Variants in CDS1 observed in about 807,000 individuals in gnomAD.
CDS1 encodes phosphatidate cytidylyltransferase 1.
Under a neutral mutation model 62.1 loss-of-function variants are expected in CDS1, and 41 were observed. The observed-to-expected ratio is 0.66, with a 90% CI of 0.51 to 0.86. The LOEUF (loss-of-function observed/expected upper bound fraction) is 0.86, where lower values mean the gene tolerates loss of function less well. Ranked by LOEUF, CDS1 falls within the 40% of genes least tolerant of loss-of-function variation. CDS1 has a pLI of 0.00. For synonymous variants in CDS1, 185 were observed against 192.6 expected (o/e 0.96, Z 0.32); for missense variants, 470 against 550.1 (o/e 0.85, Z 1.46).
At chr4:84,629,600 G>A (rs1000865201) in intron 5 of CDS1, among the ~76,000 whole-genome samples, 3 of 152,026 alleles carry the variant, frequency 2.0e-5, no homozygotes, top group African/African-American at 7.2e-5. Context: ...TTGTCCTTTG[G>A]GGATCCTGCA....
chr4:84,618,848 A>G (rs921076991), intron 4 of CDS1, among the ~76,000 whole-genome samples: 9 of 152,162 alleles, frequency 5.9e-5, no homozygotes, highest in African/African-American at 1.9e-4. Flanking sequence ...AATCTTCCTG[A>G]GGACAGGTGG....
intron 3 of CDS1, among the ~76,000 whole-genome samples, chr4:84,614,726 A>G (rs1723433671): frequency 6.6e-6 from 1 of 152,258 alleles, no homozygotes; most frequent in Non-Finnish European, 1.5e-5. Context: ...GGGAATGTAT[A>G]TATATTTTTT....
At chr4:84,620,023 TAAAAAAAAAAAAA>T (rs34828724) in intron 5 of CDS1, among the ~76,000 whole-genome samples, 1 of 121,392 alleles carries the variant, frequency 8.2e-6, no homozygotes, top group South Asian at 2.8e-4. Context: ...AACTCTTATC[TAAAAAAAAAAAAA>T]AAAAAGAAAG....
intron 2 of CDS1, among the ~76,000 whole-genome samples, chr4:84,604,837 T>C (rs1296415607): frequency 2.6e-5 from 4 of 152,160 alleles, no homozygotes; most frequent in African/African-American, 9.7e-5. Flanking sequence ...AGGTTGGTCT[T>C]AAACTCCTGG....
intron 8 of CDS1, among the ~76,000 whole-genome samples, chr4:84,638,604 C>T (rs1209357359): frequency 3.9e-5 from 6 of 152,038 alleles, no homozygotes; most frequent in African/African-American, 1.4e-4. Flanking sequence ...GCATAAGAGT[C>T]ATGGGACAGT....
At chr4:84,592,428 C>G (rs1722620800) in intron 1 of CDS1, among the ~76,000 whole-genome samples, 1 of 152,116 alleles carries the variant, frequency 6.6e-6, no homozygotes, top group Non-Finnish European at 1.5e-5. Flanking sequence ...CTGTCTTGGC[C>G]TCCCAAAGTG....
intron 2 of CDS1, among the ~76,000 whole-genome samples, chr4:84,606,291 C>A (rs973710588): frequency 1.5e-5 from 2 of 131,346 alleles, no homozygotes; most frequent in African/African-American, 6.6e-5. Context: ...CCCTTTGAGG[C>A]TTTTTTCTTG....
intron 5 of CDS1, among the ~76,000 whole-genome samples, chr4:84,628,929 G>A (rs1017711154): frequency 4.6e-5 from 7 of 152,130 alleles, no homozygotes; most frequent in African/African-American, 1.7e-4. Flanking sequence ...GCAACGAGAT[G>A]TACGTATCTT....
At chr4:84,645,765 C>G (rs956795612) in intron 12 of CDS1, among the ~76,000 whole-genome samples, 1 of 152,064 alleles carries the variant, frequency 6.6e-6, no homozygotes, top group African/African-American at 2.4e-5. Flanking sequence ...AATCTCTGCC[C>G]CCATAGCTAC....
chr4:84,588,927 A>C (rs1212861290), intron 1 of CDS1, among the ~76,000 whole-genome samples: 1 of 152,098 alleles, frequency 6.6e-6, no homozygotes, highest in Non-Finnish European at 1.5e-5. Context: ...TTATAAAGGC[A>C]GTTTAGTTTA....
At chr4:84,615,880 T>C (rs1038792944) in intron 3 of CDS1, among the ~76,000 whole-genome samples, 2 of 152,236 alleles carry the variant, frequency 1.3e-5, no homozygotes, top group Admixed American at 6.5e-5. Flanking sequence ...GATACACATA[T>C]AGTTGAAGGA....
Position 84,631,800 on chromosome 4 carries a change from G to GT in CDS1, c.581-13dup, listed in dbSNP as rs757786428. The GT allele has an allele frequency of 1.6e-5, 25 of 1,607,452 alleles. No homozygotes were observed. The highest frequency in any genetic ancestry group is 2.0e-5 in the Non-Finnish European group (24 of 1,174,564). ...GTACCAAATTGTACAACGAGCACATGTTTTTTGTTCTTGAACAGGTTTCTG... is the reference window on the plus strand; with the variant it reads ...GTACCAAATTGTACAACGAGCACATGTTTTTTTGTTCTTGAACAGGTTTCTG... On this transcript the variant is annotated intron_variant, in intron 5 of 12. Transcript: ENST00000295887.
intron 8 of CDS1, among the ~76,000 whole-genome samples, chr4:84,636,232 A>G (rs1724206928): frequency 6.6e-6 from 1 of 152,176 alleles, no homozygotes; most frequent in Non-Finnish European, 1.5e-5. Flanking sequence ...TCACATCCTC[A>G]TATCCATTTG....
intron 5 of CDS1, among the ~76,000 whole-genome samples, chr4:84,624,129 C>T (rs1038649260): frequency 6.6e-6 from 1 of 151,698 alleles, no homozygotes; most frequent in African/African-American, 2.4e-5. Context: ...AAAAAATTAG[C>T]TGGGCGTGGT....
In CDS1 at chr4:84,583,256, A is replaced by C; in HGVS notation, c.-146A>C. 3 of 583,784 alleles carry C rather than the reference A, an allele frequency of 5.1e-6. No homozygotes were observed. Among genetic ancestry groups the C allele is most frequent in the Non-Finnish European group, 9.0e-6 (3 of 334,990 alleles). 36.2% of individuals were successfully genotyped at this position (583,784 alleles called of 1,614,324 possible). On this transcript the variant is annotated 5_prime_UTR_variant, in exon 1 of 13. An upstream start codon of the reference 5' UTR is lost. Transcript: ENST00000295887. ...AGGTGACCGGCGCGGCGGCCGCTCTATGGTGGGGCCGCGTTAGTGGCTGCG... is the reference window on the plus strand; with the variant it reads ...AGGTGACCGGCGCGGCGGCCGCTCTCTGGTGGGGCCGCGTTAGTGGCTGCG...
At chr4:84,589,934 CGA>C (rs1722537037) in intron 1 of CDS1, among the ~76,000 whole-genome samples, 1 of 152,190 alleles carries the variant, frequency 6.6e-6, no homozygotes, top group South Asian at 2.1e-4. Context: ...CCTCAGCCTC[CGA>C]CGTAGCTGGG....
intron 1 of CDS1, among the ~76,000 whole-genome samples, chr4:84,601,651 C>G (rs1215237429): frequency 6.6e-6 from 1 of 151,868 alleles, no homozygotes; most frequent in Admixed American, 6.6e-5. Context: ...GGTGGCTCAC[C>G]CCTGTAATCC....
intron 1 of CDS1, among the ~76,000 whole-genome samples, chr4:84,595,279 A>G (rs1722713746): frequency 1.3e-5 from 2 of 152,016 alleles, no homozygotes; most frequent in Admixed American, 6.6e-5. Context: ...GGCATGTCCA[A>G]CCTCCTGTCC....
chr4:84,632,841 G>C (rs1724064991), intron 6 of CDS1, among the ~76,000 whole-genome samples: 1 of 152,186 alleles, frequency 6.6e-6, no homozygotes, highest in Non-Finnish European at 1.5e-5. Flanking sequence ...TAAATCAAAA[G>C]GCCAAGCGCC....
Sources: gnomAD v4.1 joint callset for allele counts (sites outside exome capture counted in the v4.1 genomes callset) on GRCh38, gnomAD v4.1.1 for gene constraint, MANE v1.5 for transcripts, NCBI Gene and HGNC (gene_info 2026-07-23, HGNC 2026-07-21) for gene names.